PPP4R4: variants seen among roughly 807,000 people sequenced by gnomAD.
PPP4R4 encodes the protein protein phosphatase 4 regulatory subunit 4.
In PPP4R4, 70 loss-of-function variants were observed where a neutral mutation model predicts 121.8. The observed-to-expected ratio is 0.57, with a 90% CI of 0.47 to 0.70. PPP4R4 has a LOEUF of 0.70. PPP4R4 is among the 30% of genes least tolerant of loss of function. PPP4R4 has a pLI of 0.00. For synonymous variants in PPP4R4, 348 were observed against 355.7 expected (o/e 0.98, Z 0.24); for missense variants, 875 against 1,033.6 (o/e 0.85, Z 2.10).
intron 23 of PPP4R4, among the ~76,000 whole-genome samples, chr14:94,272,929 TAAAAC>T (rs1894415236): frequency 6.6e-6 from 1 of 152,158 alleles, no homozygotes; most frequent in African/African-American, 2.4e-5. Context: ...TTATGCAAAT[TAAAAC>T]AATGAAGCCC....
At chr14:94,226,921 G>T (rs983846884) in intron 3 of PPP4R4, among the ~76,000 whole-genome samples, 1 of 152,050 alleles carries the variant, frequency 6.6e-6, no homozygotes, top group African/African-American at 2.4e-5. Flanking sequence ...TTTATTTAAT[G>T]CTTTTCTATA....
intron 7 of PPP4R4, 70 bp downstream of exon 7, chr14:94,234,739 T>A: frequency 1.8e-6 from 2 of 1,118,280 alleles, no homozygotes; most frequent in Non-Finnish European, 2.7e-6. Context: ...ATTTGATCTT[T>A]AAAAATGATC....
At position 94,227,562 on chromosome 14, in the gene PPP4R4, AAT is replaced by A. The variant is rs1891787132; in HGVS notation, c.295-3024_295-3023del. The A allele has an allele frequency of 3.8e-6, 5 of 1,309,826 alleles. No homozygotes were observed. The African/African-American group carries it at 7.6e-5, about 20-fold the overall frequency. 81.1% of individuals were successfully genotyped at this position (1,309,826 alleles called of 1,614,324 possible). On this transcript the variant is annotated intron_variant, in intron 3 of 24. Transcript: ENST00000304338. The stretch of plus-strand genomic sequence containing the variant: ...TGATAAGACTTGAGGATTTTTCGAA[AAT>A]TAAATGCAAAATAGTTGGGGCAAAT...
At chr14:94,276,931 T>G (rs1353933835) in intron 24 of PPP4R4, among the ~76,000 whole-genome samples, 1 of 152,164 alleles carries the variant, frequency 6.6e-6, no homozygotes, top group Non-Finnish European at 1.5e-5. Flanking sequence ...GCAGAGTATA[T>G]TTTTATTTAC....
chr14:94,229,029 C>A (rs576996578), intron 3 of PPP4R4, among the ~76,000 whole-genome samples: 2 of 152,122 alleles, frequency 1.3e-5, no homozygotes, highest in African/African-American at 2.4e-5. Context: ...ACTGAGAACA[C>A]ATACTGTAAG....
At chr14:94,250,401 A>T (rs1441941463) in intron 15 of PPP4R4, 124 bp downstream of exon 15, 2 of 621,678 alleles carry the variant, frequency 3.2e-6, no homozygotes, top group East Asian at 5.5e-5. Context: ...TTATAAGATG[A>T]TTTTTATTTT....
chr14:94,268,864 CA>C (rs1261661803), intron 23 of PPP4R4, among the ~76,000 whole-genome samples: 1 of 152,110 alleles, frequency 6.6e-6, no homozygotes, highest in Non-Finnish European at 1.5e-5. Context: ...GGGGTTATTA[CA>C]GTTCAAGGTG....
chr14:94,215,123 A>G (rs1353669647), intron 3 of PPP4R4, among the ~76,000 whole-genome samples: 1 of 152,216 alleles, frequency 6.6e-6, no homozygotes, highest in Non-Finnish European at 1.5e-5. Context: ...AATGTGTGGA[A>G]CACTGTAGGC....
chr14:94,264,375 C>T (rs540110020), intron 19 of PPP4R4, among the ~76,000 whole-genome samples: 1 of 152,240 alleles, frequency 6.6e-6, no homozygotes, highest in East Asian at 1.9e-4. Flanking sequence ...TGGTCTCAAA[C>T]TCCTGATCTC....
rs143912585 is a variant in PPP4R4 at position 94,208,473 on chromosome 14, A to G, written c.201A>G (p.Gln67=). 67 of 1,607,404 alleles carry G rather than the reference A, an allele frequency of 4.2e-5. No individual in the cohort carries two copies. The highest frequency in any genetic ancestry group is 2.0e-4 in the East Asian group (9 of 44,786). ...ERAVYLLSAG[Q]DVQGTSVIAN... is the part of the protein sequence containing the mutation. Reference sequence around the variant, plus strand: ...GTGTTTTCTTTGTAAGTGCTGGTCAAGATGTCCAAGGAACAAGTGTGATTG... The same window carrying G: ...GTGTTTTCTTTGTAAGTGCTGGTCAGGATGTCCAAGGAACAAGTGTGATTG... The change falls in exon 3 of 25, where the codon CAA becomes CAG. Residue 67 remains glutamine (Q), a synonymous_variant. Transcript: ENST00000304338.
intron 15 of PPP4R4, 52 bp from the exon 16 acceptor site, chr14:94,251,697 T>C: frequency 7.1e-7 from 1 of 1,403,744 alleles, no homozygotes; most frequent in East Asian, 2.4e-5. Context: ...TTTGTCACTT[T>C]AATTTCATAT....
chr14:94,273,056 C>G (rs1894425864), intron 23 of PPP4R4, among the ~76,000 whole-genome samples: 1 of 152,172 alleles, frequency 6.6e-6, no homozygotes, highest in South Asian at 2.1e-4. Context: ...CAAAATGGTA[C>G]AGCCACTATG....
intron 6 of PPP4R4, 95 bp downstream of exon 6, chr14:94,233,854 C>A: frequency 1.2e-6 from 1 of 812,642 alleles, no homozygotes; most frequent in Non-Finnish European, 2.0e-6. Flanking sequence ...TTTCATACTG[C>A]ATACAAATTT....
intron 14 of PPP4R4, among the ~76,000 whole-genome samples, 196 bp downstream of exon 14, chr14:94,246,735 T>A (rs1892915155): frequency 6.6e-6 from 1 of 152,192 alleles, no homozygotes; most frequent in African/African-American, 2.4e-5. Flanking sequence ...TCTGAGAATC[T>A]TCTCTCTAGC....
At chr14:94,188,167 A>AT (rs1889390130) in intron 2 of PPP4R4, among the ~76,000 whole-genome samples, 1 of 151,788 alleles carries the variant, frequency 6.6e-6, no homozygotes, top group Admixed American at 6.6e-5. Flanking sequence ...ATCTTGTAGA[A>AT]TTTTTTTTCT....
intron 3 of PPP4R4, among the ~76,000 whole-genome samples, chr14:94,222,575 C>CTTTTTTTTTTTT (rs71129676): frequency 6.9e-6 from 1 of 145,442 alleles, no homozygotes. Context: ...CATTTGGAAT[C>CTTTTTTTTTTTT]TTTTTTTTTT....
intron 13 of PPP4R4, 120 bp from the exon 14 acceptor site, chr14:94,246,237 G>A: frequency 1.4e-6 from 1 of 736,506 alleles, no homozygotes; most frequent in Middle Eastern, 3.6e-4. Flanking sequence ...CAACTAAGAT[G>A]TCTCCTAAAC....
In PPP4R4 at chr14:94,244,701, G is replaced by T; in HGVS notation, c.1333G>T (p.Glu445Ter). 6.7e-7 allele frequency: 1 copy of T among 1,494,314 alleles called. No homozygotes were observed. The allele number at this position is 1,494,314 out of a possible 1,614,324, so 92.6% of individuals were successfully genotyped here. A position where few individuals can be genotyped will look rare whatever the true frequency, so the allele number is the denominator to read the frequency against. The part of the protein sequence containing the change: ...HKELITLLQD[E>*]SLEVLDALID... ...AGAACTAATAACATTATTACAAGAT[G>T]AATCACTGGAGGTAATATTTTCTTA... The change falls in exon 12 of 25, where the codon GAA becomes TAA. Residue 445 changes from glutamate to a stop codon, truncating the protein, a stop_gained. Coordinates refer to ENST00000304338, the MANE Select transcript of PPP4R4 (RefSeq NM_058237.2). LOFTEE classifies it high-confidence loss of function.
At chr14:94,270,556 G>C (rs1279947666) in intron 23 of PPP4R4, among the ~76,000 whole-genome samples, 3 of 152,120 alleles carry the variant, frequency 2.0e-5, no homozygotes, top group Admixed American at 1.3e-4. Context: ...TTTAACAAAG[G>C]CTTCAAAGAT....
Sources: allele counts gnomAD v4.1 joint callset (sites outside exome capture counted in the v4.1 genomes callset), GRCh38; gene constraint gnomAD v4.1.1; transcripts MANE v1.5; gene names NCBI Gene and HGNC (gene_info 2026-07-23, HGNC 2026-07-21).